ZNF793: variants seen among roughly 807,000 people sequenced by gnomAD.
ZNF793 encodes zinc finger protein 793.
A neutral mutation model predicts 12.4 loss-of-function variants in ZNF793; 5 were observed. That is an observed-to-expected ratio of 0.40 (90% confidence interval 0.21 to 0.84). The LOEUF is 0.84. Among genes scored for constraint, ZNF793 ranks in the 40% least tolerant of loss-of-function variants. The pLI is 0.35. For synonymous variants in ZNF793, 162 were observed against 172.4 expected (o/e 0.94, Z 0.47); for missense variants, 456 against 495.0 (o/e 0.92, Z 0.75).
At chr19:37,515,966 T>C (rs907147380) in intron 2 of ZNF793, among the ~76,000 whole-genome samples, 3 of 150,386 alleles carry the variant, frequency 2.0e-5, no homozygotes, top group Admixed American at 1.4e-4. Flanking sequence ...ATCTAGGACA[T>C]TTATGAAAAA....
chr19:37,519,113 A>G (rs1364976077), intron 2 of ZNF793, among the ~76,000 whole-genome samples: 1 of 152,020 alleles, frequency 6.6e-6, no homozygotes, highest in Non-Finnish European at 1.5e-5. Flanking sequence ...AAAAATACAA[A>G]AAAATTAGCC....
chr19:37,526,362 C>G (rs1268988882), intron 5 of ZNF793, among the ~76,000 whole-genome samples: 1 of 152,166 alleles, frequency 6.6e-6, no homozygotes, highest in Non-Finnish European at 1.5e-5. Flanking sequence ...GTCCTCCTGC[C>G]TCGGCCTCCC....
rs140297292 is a variant in ZNF793, at chr19:37,521,378, C to T, written c.-147+1066C>T. 7.6e-3 allele frequency among the ~76,000 whole-genome samples: 1,147 copies of T among 151,810 alleles called. 18 individuals are homozygous for T. Among genetic ancestry groups the T allele is most frequent in the Middle Eastern group, 0.035 (10 of 288 alleles). ...CCTCAAGCGATCCACCCACCTCGGC[C>T]TCCCAAAGTGCTGGGATTACAGGCA... On this transcript the variant is annotated intron_variant, in intron 3 of 7. Transcript: ENST00000627814.
chr19:37,538,669 C>T lies in ZNF793; in HGVS notation c.*790C>T, dbSNP rs1336503542. The T allele has an allele frequency of 6.6e-6, 1 of 151,668 alleles. No homozygotes were observed. Among genetic ancestry groups the T allele is most frequent in the East Asian group, 1.9e-4 (1 of 5,158 alleles). 9.4% of individuals were successfully genotyped at this position (151,668 alleles called of 1,614,324 possible). ...GTGATACAAACTTTTCTAGAAAATACTTTCTCAAACATAAGCATGGACACC... is the reference window on the plus strand; with the variant it reads ...GTGATACAAACTTTTCTAGAAAATATTTTCTCAAACATAAGCATGGACACC... On this transcript the variant is annotated 3_prime_UTR_variant, in exon 8 of 8. Transcript: ENST00000627814.
chr19:37,521,000 T>G (rs930666237), intron 3 of ZNF793, among the ~76,000 whole-genome samples: 2 of 151,968 alleles, frequency 1.3e-5, no homozygotes, highest in African/African-American at 4.8e-5. Context: ...ATTTTTTTTT[T>G]TTTTCGAGAT....
chr19:37,507,274 T>A (rs2042257621), intron 1 of ZNF793: 1 of 152,608 alleles, frequency 6.6e-6, no homozygotes, highest in Admixed American at 6.6e-5. Flanking sequence ...AAATGCGAGT[T>A]CTGTGAAATG....
chr19:37,514,529 G>A lies in ZNF793; in HGVS notation c.-275-5655G>A, dbSNP rs185834749. Among the ~76,000 whole-genome samples the A allele has an allele frequency of 3.8e-3, 577 of 152,034 alleles. 4 individuals are homozygous for A. Among genetic ancestry groups the A allele is most frequent in the African/African-American group, 0.013 (538 of 41,472 alleles). Reference sequence around the variant, plus strand: ...CATGATTGTGCCACTGCACTCCAGCGTGGGTGACAGAGTGAGACCCTGTCT... The same window carrying A: ...CATGATTGTGCCACTGCACTCCAGCATGGGTGACAGAGTGAGACCCTGTCT... On this transcript the variant is annotated intron_variant, in intron 2 of 7. Coordinates refer to ENST00000627814, the MANE Select transcript of ZNF793 (RefSeq NM_001013659.3).
intron 2 of ZNF793, among the ~76,000 whole-genome samples, chr19:37,518,656 C>T (rs2042352304): frequency 6.7e-6 from 1 of 150,286 alleles, no homozygotes; most frequent in Non-Finnish European, 1.5e-5. Flanking sequence ...AAAAATTACC[C>T]AGGTATGTTG....
intron 2 of ZNF793, among the ~76,000 whole-genome samples, chr19:37,511,045 G>T (rs2042291273): frequency 6.6e-6 from 1 of 152,006 alleles, no homozygotes; most frequent in Admixed American, 6.5e-5. Flanking sequence ...TAGTGAAGTG[G>T]GCTTATCTTT....
intron 5 of ZNF793, among the ~76,000 whole-genome samples, chr19:37,530,614 CAT>C (rs892667581): frequency 5.9e-5 from 9 of 152,240 alleles, no homozygotes; most frequent in Non-Finnish European, 8.8e-5. Flanking sequence ...TGACCCAGCA[CAT>C]GTTTCAGAGA....
At chr19:37,530,492 T>C (rs561840438) in intron 5 of ZNF793, among the ~76,000 whole-genome samples, 2 of 152,174 alleles carry the variant, frequency 1.3e-5, no homozygotes, top group South Asian at 2.1e-4. Flanking sequence ...GTGTTGTGTC[T>C]CTGGGTACTT....
chr19:37,536,741 C>T (rs1192818353), intron 7 of ZNF793, 156 bp from the exon 8 acceptor site: 1 of 743,976 alleles, frequency 1.3e-6, no homozygotes, highest in East Asian at 2.7e-5. Context: ...TGCCAGTGTT[C>T]AGAATCCTCT....
chr19:37,528,149 T>G (rs570371749), intron 5 of ZNF793, among the ~76,000 whole-genome samples: 2 of 152,002 alleles, frequency 1.3e-5, no homozygotes, highest in East Asian at 3.9e-4. Context: ...AATTAATTAA[T>G]TAAGTAAAAT....
chr19:37,536,857 T>C, intron 7 of ZNF793, 40 bp from the exon 8 acceptor site: 1 of 1,548,298 alleles, frequency 6.5e-7, no homozygotes, highest in Non-Finnish European at 8.7e-7. Context: ...TCTTAAGTAG[T>C]ATGAAGTTTC....
In ZNF793 at chr19:37,538,161, C is replaced by A; in HGVS notation, c.*282C>A. 1 of 292,440 alleles carries A rather than the reference C, an allele frequency of 3.4e-6. No homozygotes were observed. The highest frequency in any genetic ancestry group is 6.4e-6 in the Non-Finnish European group (1 of 156,912). The allele number at this position is 292,440 out of a possible 1,614,324, so 18.1% of individuals were successfully genotyped here. On this transcript the variant is annotated 3_prime_UTR_variant, in exon 8 of 8. Transcript: ENST00000627814. Reference sequence around the variant, plus strand: ...CGATCTCCTGACCTTGTGATCTGCCCGCCTTGTCCTCCCAAAGTGCTGGGA... The same window carrying A: ...CGATCTCCTGACCTTGTGATCTGCCAGCCTTGTCCTCCCAAAGTGCTGGGA...
chr19:37,513,497 C>T lies in ZNF793; in HGVS notation c.-276+5094C>T, dbSNP rs1051610256. On this transcript the variant is annotated intron_variant, in intron 2 of 7. Transcript: ENST00000627814. Reference sequence around the variant, plus strand: ...GACCATACGCCAAAACTCAGACCTTCTGAATCACAAAGAAAACATCTTGGG... The same window carrying T: ...GACCATACGCCAAAACTCAGACCTTTTGAATCACAAAGAAAACATCTTGGG... Among the ~76,000 whole-genome samples the T allele has an allele frequency of 2.6e-5, 4 of 152,298 alleles. 1 individual carries two copies. In the South Asian group the frequency reaches 8.3e-4, roughly 32 times the overall value.
intron 7 of ZNF793, chr19:37,534,993 T>G (rs1248729884): frequency 6.6e-6 from 1 of 151,740 alleles, no homozygotes; most frequent in Non-Finnish European, 1.5e-5. Flanking sequence ...CCTTCTCCAC[T>G]TTTTTTTGTT....
chr19:37,516,489 G>A (rs1180758305), intron 2 of ZNF793, among the ~76,000 whole-genome samples: 1 of 151,880 alleles, frequency 6.6e-6, no homozygotes, highest in Non-Finnish European at 1.5e-5. Flanking sequence ...TATCTATATG[G>A]TAAAATATGG....
chr19:37,524,247 G>A (rs1019047194), intron 5 of ZNF793, among the ~76,000 whole-genome samples: 2 of 151,622 alleles, frequency 1.3e-5, no homozygotes, highest in African/African-American at 4.8e-5. Flanking sequence ...AGATACAGTG[G>A]CAAGATACTT....
Sources: allele counts gnomAD v4.1 joint callset (sites outside exome capture counted in the v4.1 genomes callset), GRCh38; gene constraint gnomAD v4.1.1; transcripts MANE v1.5; gene names NCBI Gene and HGNC (gene_info 2026-07-23, HGNC 2026-07-21).